FBN2: variants seen among roughly 807,000 people sequenced by gnomAD.
FBN2 encodes the protein fibrillin 2.
In FBN2, 105 loss-of-function variants were observed where a neutral mutation model predicts 355.6. The ratio of observed to expected loss-of-function variants is 0.30; its 90% CI spans 0.25 to 0.35. The LOEUF (loss-of-function observed/expected upper bound fraction) is 0.35, where lower values mean the gene tolerates loss of function less well. Among genes scored for constraint, FBN2 ranks in the 10% least tolerant of loss-of-function variants. The pLI, the probability that FBN2 is intolerant of heterozygous loss-of-function variation, is 1.00. For missense variants in FBN2, 3,280 were observed against 3,758.7 expected, an observed-to-expected ratio of 0.87 and a Z score of 3.33; for synonymous variants, 1,350 against 1,301.2, an observed-to-expected ratio of 1.04 and a Z score of -0.81.
chr5:128,416,897 C>A (rs1005777660), intron 7 of FBN2, among the ~76,000 whole-genome samples: 6 of 151,980 alleles, frequency 3.9e-5, no homozygotes, highest in Admixed American at 2.0e-4. Flanking sequence ...AAATGACATT[C>A]ATATTTTGAT....
intron 5 of FBN2, among the ~76,000 whole-genome samples, chr5:128,479,930 GTCTCTCTCTCTCTCTCTCTCTCTCTC>G (rs1180726296): frequency 6.2e-4 from 36 of 58,128 alleles, no homozygotes; most frequent in Non-Finnish European, 1.2e-3. Flanking sequence ...TTGTCTCCTT[GTCTCTCTCTCTCTCTCTCTCTCTCTC>G]TCTCTCTCTC....
chr5:128,349,287 T>A (rs1185425766), intron 23 of FBN2, 60 bp downstream of exon 23: 1 of 1,610,162 alleles, frequency 6.2e-7, no homozygotes, highest in Non-Finnish European at 8.5e-7. Flanking sequence ...TAGCCACTGC[T>A]TAAACAAGGA....
At chr5:128,341,071 T>C (rs554383697) in intron 25 of FBN2, among the ~76,000 whole-genome samples, 25 of 152,116 alleles carry the variant, frequency 1.6e-4, no homozygotes, top group Non-Finnish European at 2.5e-4. Flanking sequence ...GTAGGATTAC[T>C]AAAAGCCCCC....
At chr5:128,378,735 TG>T in intron 12 of FBN2, 35 bp downstream of exon 12, 1 of 1,611,500 alleles carries the variant, frequency 6.2e-7, no homozygotes, top group East Asian at 2.2e-5. Flanking sequence ...CTATATTTCA[TG>T]GAACATTTTC....
At chr5:128,405,426 C>G (rs529305136) in intron 8 of FBN2, among the ~76,000 whole-genome samples, 136 of 152,112 alleles carry the variant, frequency 8.9e-4, no homozygotes, top group African/African-American at 3.2e-3. Context: ...CAGGTAGAGA[C>G]TTAGGACTTT....
At chr5:128,530,204 T>C (rs1195633385) in intron 3 of FBN2, among the ~76,000 whole-genome samples, 1 of 152,198 alleles carries the variant, frequency 6.6e-6, no homozygotes, top group African/African-American at 2.4e-5. Flanking sequence ...TTAATACATG[T>C]GAAGCAAAAT....
intron 5 of FBN2, among the ~76,000 whole-genome samples, chr5:128,466,522 A>G (rs1754715347): frequency 6.6e-6 from 1 of 152,224 alleles, no homozygotes; most frequent in Non-Finnish European, 1.5e-5. Flanking sequence ...CTTAGATATC[A>G]TATACGTGCT....
intron 18 of FBN2, among the ~76,000 whole-genome samples, chr5:128,363,553 T>C (rs1179923330): frequency 6.6e-6 from 1 of 152,180 alleles, no homozygotes; most frequent in Admixed American, 6.5e-5. Flanking sequence ...TTAAAAAAGA[T>C]ATGTTGAAAT....
At chr5:128,354,956 G>A (rs367737399) in intron 20 of FBN2, among the ~76,000 whole-genome samples, 12 of 152,152 alleles carry the variant, frequency 7.9e-5, no homozygotes, top group African/African-American at 2.9e-4. Context: ...ACAAATGTGA[G>A]AGTCAACACA....
chr5:128,383,180 T>C (rs938851739), intron 11 of FBN2, among the ~76,000 whole-genome samples: 21 of 151,924 alleles, frequency 1.4e-4, no homozygotes, highest in African/African-American at 4.8e-4. Flanking sequence ...GAGCTGAGAG[T>C]CCAGAAACAG....
intron 55 of FBN2, among the ~76,000 whole-genome samples, chr5:128,283,576 T>C (rs1335955124): frequency 6.6e-6 from 1 of 152,232 alleles, no homozygotes; most frequent in South Asian, 2.1e-4. Flanking sequence ...CAGAGTCCAG[T>C]GTCCTGGGAA....
chr5:128,440,439 G>T (rs1753890188), intron 7 of FBN2, among the ~76,000 whole-genome samples: 1 of 152,142 alleles, frequency 6.6e-6, no homozygotes, highest in Admixed American at 6.5e-5. Context: ...GCAGGCACCT[G>T]GCCAGAGCAG....
intron 5 of FBN2, among the ~76,000 whole-genome samples, chr5:128,470,430 G>A (rs1754828379): frequency 6.6e-6 from 1 of 152,182 alleles, no homozygotes; most frequent in Admixed American, 6.5e-5. Context: ...AGACAAAAGA[G>A]TCTGGTAGGG....
At chr5:128,420,480 T>A (rs1033853031) in intron 7 of FBN2, among the ~76,000 whole-genome samples, 9 of 152,224 alleles carry the variant, frequency 5.9e-5, no homozygotes, top group African/African-American at 2.2e-4. Flanking sequence ...TTATGAAATT[T>A]CTGAATTATC....
intron 5 of FBN2, among the ~76,000 whole-genome samples, chr5:128,514,779 A>G (rs554961768): frequency 6.6e-6 from 1 of 152,328 alleles, no homozygotes; most frequent in South Asian, 2.1e-4. Flanking sequence ...AATTATGAGT[A>G]ATTAGATTCT....
chr5:128,424,988 T>C (rs2127021643), intron 7 of FBN2, among the ~76,000 whole-genome samples: 1 of 151,704 alleles, frequency 6.6e-6, no homozygotes, highest in Admixed American at 6.6e-5. Flanking sequence ...TTGCCAGCAG[T>C]AGTTTTTCTT....
At chr5:128,337,592 C>T (rs1368859745) in intron 27 of FBN2, among the ~76,000 whole-genome samples, 1 of 152,210 alleles carries the variant, frequency 6.6e-6, no homozygotes, top group African/African-American at 2.4e-5. Context: ...GCGCCATGTT[C>T]ACACATGTGC....
At position 128,351,547 on chromosome 5, in the gene FBN2, C is replaced by CA. The variant is rs1193084115; in HGVS notation, c.2675-543dup. Among the ~76,000 whole-genome samples the CA allele has an allele frequency of 8.4e-4, 104 of 123,960 alleles. 1 individual carries two copies. Among genetic ancestry groups the CA allele is most frequent in the Middle Eastern group, 8.6e-3 (2 of 232 alleles). The allele number at this position is 123,960 out of a possible 152,430, so 81.3% of individuals were successfully genotyped here. ...AGGCAACAAGAGTGAAACTTCGTCT[C>CA]AAAAAAAAAAAAGAAAAAATTTTAA... On this transcript the variant is annotated intron_variant, in intron 20 of 64. Transcript: ENST00000262464.
chr5:128,413,533 C>T (rs758130936), intron 7 of FBN2, among the ~76,000 whole-genome samples: 22 of 152,158 alleles, frequency 1.4e-4, no homozygotes, highest in Non-Finnish European at 2.8e-4. Context: ...CTAAACAAAA[C>T]CATCTGACAG....
Sources: allele counts gnomAD v4.1 joint callset (sites outside exome capture counted in the v4.1 genomes callset), GRCh38; gene constraint gnomAD v4.1.1; transcripts MANE v1.5; gene names NCBI Gene and HGNC (gene_info 2026-07-23, HGNC 2026-07-21).